Variants in ACER2 observed in about 807,000 individuals in gnomAD.
The protein encoded by ACER2 is alkCDase 2.
ACER2 carries 26 observed loss-of-function variants against 34.7 expected under a neutral mutation model. The observed-to-expected ratio is 0.75, with a 90% CI of 0.55 to 1.04. ACER2 has a LOEUF of 1.04. Ranked by LOEUF, ACER2 falls within the 50% of genes least tolerant of loss-of-function variation. ACER2 has a pLI of 0.00. For synonymous variants in ACER2, 138 were observed against 132.1 expected, an observed-to-expected ratio of 1.04 and a Z score of -0.31; for missense variants, 352 against 340.8, an observed-to-expected ratio of 1.03 and a Z score of -0.26.
chr9:19,427,881 T>C (rs1177365798), intron 3 of ACER2, among the ~76,000 whole-genome samples: 1 of 152,108 alleles, frequency 6.6e-6, no homozygotes, highest in African/African-American at 2.4e-5. Context: ...TTAGCCAGGA[T>C]GGTCTCGATC....
At chr9:19,428,783 T>G (rs949090028) in intron 3 of ACER2, among the ~76,000 whole-genome samples, 1 of 125,948 alleles carries the variant, frequency 7.9e-6, no homozygotes, top group Non-Finnish European at 1.7e-5. Flanking sequence ...TGGGTTTTTT[T>G]TTTTTTTTTT....
intron 3 of ACER2, among the ~76,000 whole-genome samples, chr9:19,432,398 G>T (rs1057246950): frequency 1.3e-5 from 2 of 151,884 alleles, no homozygotes; most frequent in African/African-American, 4.8e-5. Flanking sequence ...TTTGTAGAAC[G>T]GGGGGTGACA....
intron 3 of ACER2, among the ~76,000 whole-genome samples, chr9:19,434,377 C>T (rs1268216766): frequency 5.3e-5 from 8 of 152,272 alleles, no homozygotes; most frequent in Middle Eastern, 3.4e-3. Context: ...GGGTGGCGGC[C>T]GGGCAGAGGC....
At chr9:19,447,862 G>T (rs1189102684) in intron 5 of ACER2, among the ~76,000 whole-genome samples, 2 of 151,724 alleles carry the variant, frequency 1.3e-5, no homozygotes. Context: ...AGAAAGAATG[G>T]CTCTCATAAT....
At chr9:19,413,095 C>T (rs1466447065) in intron 1 of ACER2, among the ~76,000 whole-genome samples, 1 of 152,174 alleles carries the variant, frequency 6.6e-6, no homozygotes, top group Non-Finnish European at 1.5e-5. Flanking sequence ...ATTTGACTTC[C>T]ACTGACAATG....
chr9:19,427,768 G>A (rs1308631867), intron 3 of ACER2, among the ~76,000 whole-genome samples: 6 of 151,830 alleles, frequency 4.0e-5, no homozygotes, highest in Non-Finnish European at 7.4e-5. Flanking sequence ...CTATGTTCAC[G>A]CCATTCTCCT....
chr9:19,432,029 GC>G (rs1830770381), intron 3 of ACER2, among the ~76,000 whole-genome samples: 1 of 152,164 alleles, frequency 6.6e-6, no homozygotes. Context: ...ATCTAGTCCA[GC>G]CTTTTCGTTT....
chr9:19,420,677 A>G (rs1219183909), intron 1 of ACER2, among the ~76,000 whole-genome samples: 1 of 152,234 alleles, frequency 6.6e-6, no homozygotes, highest in African/African-American at 2.4e-5. Flanking sequence ...TCATGCTGCT[A>G]TAACAAAAGA....
chr9:19,413,638 A>G lies in ACER2; in HGVS notation c.108+4446A>G, dbSNP rs1388308395. On this transcript the variant is annotated intron_variant, in intron 1 of 5. Transcript: ENST00000340967. ...AAAAAAAGAAAATATTTAAGGCCCC[A>G]GTCACATAGACCTAGCCACTTTGGA... 3.3e-5 allele frequency among the ~76,000 whole-genome samples: 5 copies of G among 151,512 alleles called. No individual in the cohort carries two copies. The East Asian group carries it at 9.7e-4, about 29-fold the overall frequency.
chr9:19,446,759 A>G (rs1463054536), intron 5 of ACER2: 1 of 533,754 alleles, frequency 1.9e-6, no homozygotes, highest in Non-Finnish European at 2.4e-6. Context: ...GAGGTAGGGG[A>G]AAGCTGGGGA....
intron 1 of ACER2, 62 bp from the exon 2 acceptor site, chr9:19,423,800 A>G: frequency 8.0e-7 from 1 of 1,245,326 alleles, no homozygotes; most frequent in Non-Finnish European, 1.2e-6. Context: ...GGAAGAGGCC[A>G]CTTTATTTTT....
chr9:19,433,698 G>T (rs1830837891), intron 3 of ACER2, among the ~76,000 whole-genome samples: 1 of 152,224 alleles, frequency 6.6e-6, no homozygotes, highest in Admixed American at 6.5e-5. Flanking sequence ...TGGTGGCCGG[G>T]CAGAGGGGCT....
chr9:19,413,709 C>CTG (rs1323743696), intron 1 of ACER2, among the ~76,000 whole-genome samples: 1 of 152,096 alleles, frequency 6.6e-6, no homozygotes, highest in Non-Finnish European at 1.5e-5. Context: ...TTTGGGGACT[C>CTG]TGTTGCTCAG....
intron 3 of ACER2, among the ~76,000 whole-genome samples, chr9:19,430,093 A>G (rs533229089): frequency 2.2e-4 from 33 of 151,978 alleles, no homozygotes; most frequent in African/African-American, 5.1e-4. Context: ...AGAGTAGCCA[A>G]TGATAGTGGT....
chr9:19,409,187 A>G lies in ACER2; in HGVS notation c.103A>G (p.Asn35Asp), dbSNP rs1429572233. 6.3e-7 allele frequency: 1 copy of G among 1,589,298 alleles called. No homozygotes were observed. The highest frequency in any genetic ancestry group is 1.3e-5 in the African/African-American group (1 of 74,500). The part of the protein sequence containing the change: ...TIVPAIAEFY[N>D]TISNVLFFIL... ...CGTGCCTGCTATCGCCGAGTTCTAC[A>G]ACACGGTGCGGGGCGCGGGAGCGGG... The change falls in exon 1 of 6, where the codon AAC (asparagine) becomes GAC (aspartate). Residue 35 changes from asparagine (N) to aspartate (D), a missense_variant. By Grantham distance (23) the Asn-to-Asp change is conservative. Coordinates refer to ENST00000340967, the MANE Select transcript of ACER2 (RefSeq NM_001010887.3).
At chr9:19,417,487 CA>C (rs1349036243) in intron 1 of ACER2, among the ~76,000 whole-genome samples, 1 of 152,134 alleles carries the variant, frequency 6.6e-6, no homozygotes, top group Non-Finnish European at 1.5e-5. Flanking sequence ...CTATGGTAAC[CA>C]AAACAGCATG....
At position 19,423,910 on chromosome 9, in the gene ACER2, T is replaced by G. The variant is rs1238917890; in HGVS notation, c.157T>G (p.Phe53Val). The G allele has an allele frequency of 2.5e-6, 4 of 1,614,062 alleles. No individual in the cohort carries two copies. Among genetic ancestry groups the G allele is most frequent in the Non-Finnish European group, 3.4e-6 (4 of 1,180,026 alleles). ...FILPPICMCL[F>V]RQYATCFNSG... ...TTTACCGCCCATCTGCATGTGCTTGTTTCGTCAGTATGCAACATGCTTCAA... is the reference window on the plus strand; with the variant it reads ...TTTACCGCCCATCTGCATGTGCTTGGTTCGTCAGTATGCAACATGCTTCAA... Residue 53 changes from phenylalanine to valine, a missense_variant, in exon 2 of 6, where the codon TTT (phenylalanine) becomes GTT (valine). Coordinates refer to ENST00000340967, the MANE Select transcript of ACER2 (RefSeq NM_001010887.3).
rs1173099538 is a variant in ACER2 at position 19,432,434 on chromosome 9, TTC to T, written c.366-2511_366-2510del. 2.6e-5 allele frequency among the ~76,000 whole-genome samples: 4 copies of T among 152,120 alleles called. No homozygotes were observed. In the East Asian group the frequency reaches 7.7e-4, roughly 29 times the overall value. ...AACTATGTCCTGTGGGCCAAAAGGG[TTC>T]TGTTTTGCAAATCAGGTTTTATTGG... On this transcript the variant is annotated intron_variant, in intron 3 of 5. Coordinates refer to ENST00000340967, the MANE Select transcript of ACER2 (RefSeq NM_001010887.3).
chr9:19,416,075 A>G (rs1375164492), intron 1 of ACER2, among the ~76,000 whole-genome samples: 1 of 121,982 alleles, frequency 8.2e-6, no homozygotes, highest in Non-Finnish European at 1.8e-5. Flanking sequence ...TTTTTTTTTT[A>G]CAAGAACACA....
Sources: gnomAD v4.1 joint callset for allele counts (sites outside exome capture counted in the v4.1 genomes callset) on GRCh38, gnomAD v4.1.1 for gene constraint, MANE v1.5 for transcripts, NCBI Gene and HGNC (gene_info 2026-07-23, HGNC 2026-07-21) for gene names.